Variants in CDH2 observed in about 807,000 individuals in gnomAD.
CDH2 encodes cadherin-2.
In CDH2, 17 loss-of-function variants were observed where a neutral mutation model predicts 92.0. That is an observed-to-expected ratio of 0.18 (90% CI 0.13 to 0.28). The LOEUF (loss-of-function observed/expected upper bound fraction) is 0.28. Ranked by LOEUF, CDH2 falls within the 10% of genes least tolerant of loss-of-function variation. The pLI is 1.00. For missense variants in CDH2, 862 were observed against 1,133.1 expected (o/e 0.76, Z 3.44); for synonymous variants, 419 against 415.9 (o/e 1.01, Z -0.09).
At chr18:28,067,355 T>A (rs991983722) in intron 2 of CDH2, among the ~76,000 whole-genome samples, 8 of 152,052 alleles carry the variant, frequency 5.3e-5, no homozygotes, top group African/African-American at 1.9e-4. Context: ...CTCACAGCCG[T>A]CATCTCCCAT....
chr18:28,145,490 T>C (rs1291242835), intron 2 of CDH2, among the ~76,000 whole-genome samples: 2 of 152,142 alleles, frequency 1.3e-5, no homozygotes, highest in African/African-American at 2.4e-5. Flanking sequence ...ACAGAATTCA[T>C]AGATATAATT....
chr18:28,032,935 A>T (rs1052123803), intron 2 of CDH2, among the ~76,000 whole-genome samples: 13 of 152,268 alleles, frequency 8.5e-5, no homozygotes, highest in African/African-American at 2.9e-4. Flanking sequence ...AAGGTCCCTG[A>T]TCTCTAAGAG....
At chr18:28,042,902 T>C (rs184448682) in intron 2 of CDH2, among the ~76,000 whole-genome samples, 88 of 152,318 alleles carry the variant, frequency 5.8e-4, no homozygotes, top group Non-Finnish European at 9.7e-4. Context: ...AAACATAATG[T>C]TGATATTTGA....
chr18:27,933,906 G>A (rs765505759), intron 6 of CDH2, among the ~76,000 whole-genome samples: 1 of 152,162 alleles, frequency 6.6e-6, no homozygotes, highest in Non-Finnish European at 1.5e-5. Flanking sequence ...ATTAGCAAAT[G>A]GTGATAATTT....
At chr18:28,035,069 T>G (rs2013792896) in intron 2 of CDH2, among the ~76,000 whole-genome samples, 1 of 152,090 alleles carries the variant, frequency 6.6e-6, no homozygotes, top group African/African-American at 2.4e-5. Flanking sequence ...GTAGGATAAA[T>G]GCTCCTCAGG....
chr18:27,978,022 A>C (rs2011907917), intron 14 of CDH2, among the ~76,000 whole-genome samples: 1 of 152,190 alleles, frequency 6.6e-6, no homozygotes, highest in African/African-American at 2.4e-5. Flanking sequence ...ACTTCACACT[A>C]CAAAGAAACA....
chr18:28,028,356 C>T (rs2013611647), intron 2 of CDH2, among the ~76,000 whole-genome samples: 1 of 152,082 alleles, frequency 6.6e-6, no homozygotes. Context: ...GTTCATAGAA[C>T]ATGATGTGCA....
At chr18:28,047,795 G>A (rs536143677) in intron 2 of CDH2, among the ~76,000 whole-genome samples, 3 of 147,526 alleles carry the variant, frequency 2.0e-5, no homozygotes, top group East Asian at 2.0e-4. Context: ...CGTGAACCCG[G>A]AAGGCGGAGC....
intron 2 of CDH2, among the ~76,000 whole-genome samples, chr18:28,135,637 A>G (rs547360619): frequency 6.6e-6 from 1 of 152,336 alleles, no homozygotes; most frequent in East Asian, 1.9e-4. Context: ...CTTCTGCATC[A>G]ATAGAATATA....
At chr18:28,099,319 T>C (rs1442991653) in intron 2 of CDH2, among the ~76,000 whole-genome samples, 1 of 152,174 alleles carries the variant, frequency 6.6e-6, no homozygotes, top group Non-Finnish European at 1.5e-5. Context: ...TGGCAGTATC[T>C]AATTTTAAGG....
intron 2 of CDH2, among the ~76,000 whole-genome samples, chr18:28,064,080 A>G (rs1249589684): frequency 2.7e-5 from 4 of 150,578 alleles, no homozygotes; most frequent in African/African-American, 9.7e-5. Context: ...ATTTCTCCAG[A>G]CATGTCTGGA....
At chr18:28,048,896 A>AAAAAG (rs1298418014) in intron 2 of CDH2, among the ~76,000 whole-genome samples, 1 of 152,124 alleles carries the variant, frequency 6.6e-6, no homozygotes, top group Admixed American at 6.5e-5. Context: ...TTCTGCATGA[A>AAAAAG]AAAAGAAAAG....
At chr18:28,176,677 C>T (rs2016547484) in intron 1 of CDH2, among the ~76,000 whole-genome samples, 1 of 152,036 alleles carries the variant, frequency 6.6e-6, no homozygotes, top group Admixed American at 6.5e-5. Flanking sequence ...ACACCCCCCG[C>T]GAGCTTGCTC....
At chr18:27,981,588 T>A (rs2012057876) in intron 14 of CDH2, among the ~76,000 whole-genome samples, 1 of 152,056 alleles carries the variant, frequency 6.6e-6, no homozygotes, top group African/African-American at 2.4e-5. Flanking sequence ...TGAAAGTAAA[T>A]CATGCAACTT....
chr18:28,154,366 A>G (rs571802430), intron 1 of CDH2, among the ~76,000 whole-genome samples: 15 of 152,344 alleles, frequency 9.8e-5, no homozygotes, highest in African/African-American at 2.9e-4. Flanking sequence ...CACGCTGGTC[A>G]GAGGATCTGA....
At chr18:28,021,883 T>C (rs2144058861) in intron 2 of CDH2, among the ~76,000 whole-genome samples, 1 of 152,176 alleles carries the variant, frequency 6.6e-6, no homozygotes, top group South Asian at 2.1e-4. Context: ...TTTATTTTTT[T>C]CCATACTAAT....
intron 2 of CDH2, among the ~76,000 whole-genome samples, chr18:28,125,152 C>G (rs931568622): frequency 6.6e-6 from 1 of 152,150 alleles, no homozygotes; most frequent in Non-Finnish European, 1.5e-5. Flanking sequence ...GACAGAAACT[C>G]ATGACAGATG....
chr18:28,121,059 CT>C (rs2015579570), intron 2 of CDH2, among the ~76,000 whole-genome samples: 1 of 152,120 alleles, frequency 6.6e-6, no homozygotes, highest in Non-Finnish European at 1.5e-5. Flanking sequence ...TAATGTTATT[CT>C]GTGCGGTTTC....
chr18:28,162,080 A>G (rs1401165779), intron 1 of CDH2, among the ~76,000 whole-genome samples: 1 of 152,180 alleles, frequency 6.6e-6, no homozygotes, highest in Non-Finnish European at 1.5e-5. Context: ...TTCTCTATGT[A>G]CTGATTCTTT....
Sources: gnomAD v4.1 joint callset for allele counts (sites outside exome capture counted in the v4.1 genomes callset) on GRCh38, gnomAD v4.1.1 for gene constraint, MANE v1.5 for transcripts, NCBI Gene and HGNC (gene_info 2026-07-23, HGNC 2026-07-21) for gene names.